PLCB4: variants seen among roughly 807,000 people sequenced by gnomAD.
PLCB4 encodes 1-phosphatidylinositol 4,5-bisphosphate phosphodiesterase beta-4.
A neutral mutation model predicts 178.8 loss-of-function variants in PLCB4; 77 were observed. The ratio of observed to expected loss-of-function variants is 0.43; its 90% CI spans 0.36 to 0.52. The LOEUF is 0.52. Ranked by LOEUF, PLCB4 falls within the 20% of genes least tolerant of loss-of-function variation. The probability of loss-of-function intolerance (pLI) is 0.00; values close to 1 mark genes in which losing one functional copy is unlikely to be tolerated. For missense variants in PLCB4, 1,024 were observed against 1,453.4 expected (o/e 0.70, Z 4.80); for synonymous variants, 496 against 490.8 (o/e 1.01, Z -0.14).
chr20:9,144,486 T>A (rs1047363635), intron 2 of PLCB4, among the ~76,000 whole-genome samples: 2 of 151,640 alleles, frequency 1.3e-5, no homozygotes, highest in African/African-American at 4.8e-5. Context: ...GAAAATACTA[T>A]ACAGCCCTTT....
At chr20:9,269,888 C>T (rs1405250141) in intron 3 of PLCB4, among the ~76,000 whole-genome samples, 1 of 152,066 alleles carries the variant, frequency 6.6e-6, no homozygotes, top group Non-Finnish European at 1.5e-5. Context: ...TTGCCAGGGG[C>T]AGTAGCAGCA....
At chr20:9,213,128 C>CTTTTTTTT (rs56785951) in intron 2 of PLCB4, among the ~76,000 whole-genome samples, 473 of 35,732 alleles carry the variant, frequency 0.013, 35 homozygotes, top group African/African-American at 0.019. Flanking sequence ...CGTTAGCATA[C>CTTTTTTTT]TTTTTTTTTT....
At chr20:9,348,370 T>C (rs991792233) in intron 7 of PLCB4, among the ~76,000 whole-genome samples, 4 of 152,230 alleles carry the variant, frequency 2.6e-5, no homozygotes, top group African/African-American at 9.6e-5. Flanking sequence ...GACCAGATTC[T>C]GATTCTGATT....
chr20:9,464,912 A>C (rs2043661837), intron 35 of PLCB4, among the ~76,000 whole-genome samples: 1 of 152,210 alleles, frequency 6.6e-6, no homozygotes, highest in Non-Finnish European at 1.5e-5. Flanking sequence ...AAAAGAGGGA[A>C]TCCTCCCTAA....
chr20:9,358,500 T>G (rs1040791721), intron 7 of PLCB4, among the ~76,000 whole-genome samples: 8 of 152,186 alleles, frequency 5.3e-5, no homozygotes, highest in Admixed American at 2.0e-4. Context: ...AACCTAGAGA[T>G]AAGATTGGAA....
intron 2 of PLCB4, among the ~76,000 whole-genome samples, chr20:9,185,149 T>G (rs531963460): frequency 6.6e-6 from 1 of 152,282 alleles, no homozygotes; most frequent in Non-Finnish European, 1.5e-5. Context: ...AAAATCATAC[T>G]GCCTTGGCCT....
chr20:9,246,151 A>G (rs542047594), intron 3 of PLCB4, among the ~76,000 whole-genome samples: 1 of 152,292 alleles, frequency 6.6e-6, no homozygotes, highest in South Asian at 2.1e-4. Flanking sequence ...ACTATTTTGA[A>G]TAATTGTATA....
At position 9,408,674 on chromosome 20, in the gene PLCB4, G is replaced by A. The variant is rs754570846; in HGVS notation, c.1831G>A (p.Val611Ile). The change falls in exon 23 of 40, where the codon GTC (valine) becomes ATC (isoleucine). Residue 611 changes from valine (V) to isoleucine (I), a missense_variant. This residue lies in a region of PLCB4 where 263 missense variants were observed against 417.4 expected (regional missense o/e 0.63). Transcript: ENST00000378473. ...HYNMSSFNES[V>I]GLGYLKTHAI... is the part of the protein sequence containing the mutation. ...TAACATGTCTTCTTTTAATGAATCA[G>A]TCGGTCTTGGCTACTTGAAGACACA... 6.9e-6 allele frequency: 11 copies of A among 1,592,822 alleles called. No homozygotes were observed. The highest frequency in any genetic ancestry group is 8.6e-6 in the Non-Finnish European group (10 of 1,160,996).
chr20:9,408,885 A>G (rs1479170370), intron 23 of PLCB4, among the ~76,000 whole-genome samples, 168 bp downstream of exon 23: 1 of 152,222 alleles, frequency 6.6e-6, no homozygotes, highest in African/African-American at 2.4e-5. Flanking sequence ...AATTGTTTTT[A>G]TAATCCACAC....
At chr20:9,113,726 A>G (rs1415948900) in intron 2 of PLCB4, among the ~76,000 whole-genome samples, 2 of 152,206 alleles carry the variant, frequency 1.3e-5, no homozygotes, top group African/African-American at 4.8e-5. Context: ...TTAAACTTTC[A>G]TTTGGTTCTG....
At chr20:9,220,893 T>G (rs1256390657) in intron 3 of PLCB4, among the ~76,000 whole-genome samples, 1 of 152,190 alleles carries the variant, frequency 6.6e-6, no homozygotes, top group Admixed American at 6.5e-5. Context: ...ACCCTGTAAA[T>G]ACTTTAGTTA....
At chr20:9,130,825 A>G (rs559499544) in intron 2 of PLCB4, among the ~76,000 whole-genome samples, 32 of 152,358 alleles carry the variant, frequency 2.1e-4, no homozygotes, top group Admixed American at 1.9e-3. Context: ...AAACTTAGTC[A>G]TTGTTTCTCT....
At position 9,459,710 on chromosome 20, in the gene PLCB4, A is replaced by G. The variant is rs1310070344; in HGVS notation, c.3148A>G (p.Ile1050Val). ...INTHSAEEQEIRDLHLSQQCE... is the reference protein window; with the variant it reads ...INTHSAEEQEVRDLHLSQQCE... Reference sequence around the variant, plus strand: ...TACCCACAGTGCTGAGGAGCAAGAAATCCGAGACCTGCACCTCAGCCAGCA... The same window carrying G: ...TACCCACAGTGCTGAGGAGCAAGAAGTCCGAGACCTGCACCTCAGCCAGCA... Residue 1050 changes from isoleucine to valine, a missense_variant, in exon 35 of 40, where the codon ATC becomes GTC. This residue lies in a region of PLCB4 where 264 missense variants were observed against 283.2 expected (regional missense o/e 0.93). Coordinates refer to ENST00000378473, the MANE Select transcript of PLCB4 (RefSeq NM_001377142.1). 6.2e-7 allele frequency: 1 copy of G among 1,612,624 alleles called. No individual in the cohort carries two copies. Among genetic ancestry groups the G allele is most frequent in the Non-Finnish European group, 8.5e-7 (1 of 1,178,830 alleles).
intron 3 of PLCB4, among the ~76,000 whole-genome samples, chr20:9,261,886 T>C (rs2094300944): frequency 6.6e-6 from 1 of 152,166 alleles, no homozygotes; most frequent in Admixed American, 6.5e-5. Flanking sequence ...TATATACCCT[T>C]GCATTTTAAG....
chr20:9,480,001 A>C lies in PLCB4; in HGVS notation c.*992A>C, dbSNP rs2122768974. ...ATCAAGACTTTTAGCATAATGAAAA[A>C]CCCTCTCTCTATATATATATGTGTA... On this transcript the variant is annotated 3_prime_UTR_variant, in exon 40 of 40. Transcript: ENST00000378473. 1.3e-5 allele frequency: 2 copies of C among 152,046 alleles called. No homozygotes were observed. Among genetic ancestry groups the C allele is most frequent in the South Asian group, 2.1e-4 (1 of 4,798 alleles). 9.4% of individuals were successfully genotyped at this position (152,046 alleles called of 1,614,324 possible).
In PLCB4 at chr20:9,446,919, A is replaced by C. The variant is rs903299421; in HGVS notation, c.2880+2676A>C. 1.7e-4 allele frequency among the ~76,000 whole-genome samples: 26 copies of C among 152,166 alleles called. 1 individual carries two copies. Among genetic ancestry groups the C allele is most frequent in the African/African-American group, 1.4e-4 (6 of 41,428 alleles). ...GAACAAACAACAACAACAACAACAA[A>C]AACATGTTGTCTTTAAAACCAAAAA... On this transcript the variant is annotated intron_variant, in intron 32 of 39. Coordinates refer to ENST00000378473, the MANE Select transcript of PLCB4 (RefSeq NM_001377142.1).
intron 1 of PLCB4, among the ~76,000 whole-genome samples, chr20:9,084,382 G>GT (rs2090302793): frequency 6.6e-6 from 1 of 152,152 alleles, no homozygotes; most frequent in South Asian, 2.1e-4. Context: ...TGCTATCAAT[G>GT]TAAGTCCTGG....
intron 4 of PLCB4, among the ~76,000 whole-genome samples, chr20:9,327,156 G>A (rs1402188359): frequency 6.6e-6 from 1 of 151,330 alleles, no homozygotes; most frequent in Non-Finnish European, 1.5e-5. Flanking sequence ...AATCAATACT[G>A]GGCCAGGTGC....
intron 32 of PLCB4, among the ~76,000 whole-genome samples, chr20:9,448,153 G>T (rs769718391): frequency 6.6e-6 from 1 of 152,046 alleles, no homozygotes; most frequent in Non-Finnish European, 1.5e-5. Flanking sequence ...TGAGCCCTTA[G>T]TAGAAACCCC....
Sources: allele counts gnomAD v4.1 joint callset (sites outside exome capture counted in the v4.1 genomes callset), GRCh38; gene constraint gnomAD v4.1.1; regional missense constraint gnomAD v4.1.1; transcripts MANE v1.5; gene names NCBI Gene and HGNC (gene_info 2026-07-23, HGNC 2026-07-21).